The following GPC6 variants were observed in gnomAD, a reference collection of about 807,000 sequenced individuals.
The protein encoded by GPC6 is glypican-6.
In GPC6, 14 loss-of-function variants were observed where a neutral mutation model predicts 55.2. That is an observed-to-expected ratio of 0.25 (90% CI 0.17 to 0.40). The LOEUF (loss-of-function observed/expected upper bound fraction) is 0.40, where lower values mean the gene tolerates loss of function less well. Among genes scored for constraint, GPC6 ranks in the 10% least tolerant of loss-of-function variants. The probability of loss-of-function intolerance (pLI) is 1.00; values close to 1 mark genes in which losing one functional copy is unlikely to be tolerated. For synonymous variants in GPC6, 278 were observed against 259.6 expected (o/e 1.07, Z -0.68); for missense variants, 641 against 708.5 (o/e 0.90, Z 1.08).
intron 5 of GPC6, among the ~76,000 whole-genome samples, chr13:94,298,499 C>T (rs1303334100): frequency 6.6e-6 from 1 of 152,106 alleles, no homozygotes; most frequent in Non-Finnish European, 1.5e-5. Flanking sequence ...AAGTTGTCTG[C>T]CACTTTGCAG....
At chr13:94,058,321 C>T (rs1255728557) in intron 4 of GPC6, among the ~76,000 whole-genome samples, 2 of 152,142 alleles carry the variant, frequency 1.3e-5, no homozygotes, top group Non-Finnish European at 2.9e-5. Flanking sequence ...AGAGACCTAG[C>T]CCAGTGCCAA....
intron 2 of GPC6, among the ~76,000 whole-genome samples, chr13:93,613,530 A>ACACACACAC (rs1566450041): frequency 4.0e-4 from 56 of 139,908 alleles, no homozygotes; most frequent in African/African-American, 1.6e-3. Flanking sequence ...ACACACACAA[A>ACACACACAC]ACACACACAC....
intron 4 of GPC6, among the ~76,000 whole-genome samples, chr13:94,030,754 A>G (rs1293672082): frequency 6.6e-6 from 1 of 152,080 alleles, no homozygotes; most frequent in Non-Finnish European, 1.5e-5. Context: ...CATCTTATAG[A>G]TGTTTTTCTT....
chr13:93,416,424 G>A (rs1175219056), intron 1 of GPC6, among the ~76,000 whole-genome samples: 8 of 152,000 alleles, frequency 5.3e-5, no homozygotes, highest in East Asian at 1.9e-4. Context: ...TGAATACACA[G>A]TAGGTATATA....
At chr13:94,347,877 G>A (rs55740931) in intron 6 of GPC6, among the ~76,000 whole-genome samples, 11,010 of 152,250 alleles carry the variant, frequency 0.072, 519 homozygotes, top group South Asian at 0.13. Flanking sequence ...GAAGAGGCCC[G>A]TTAAATGGTT....
At chr13:93,436,134 C>A (rs1594167977) in intron 1 of GPC6, among the ~76,000 whole-genome samples, 1 of 152,090 alleles carries the variant, frequency 6.6e-6, no homozygotes, top group East Asian at 1.9e-4. Flanking sequence ...CTGACTATTG[C>A]AATTTTATAT....
intron 1 of GPC6, among the ~76,000 whole-genome samples, chr13:93,408,719 T>G (rs1876386830): frequency 6.6e-6 from 1 of 152,094 alleles, no homozygotes; most frequent in African/African-American, 2.4e-5. Flanking sequence ...TCTGAAAAAC[T>G]GGCTCTGGCA....
chr13:94,027,141 C>T (rs770050758), intron 3 of GPC6, among the ~76,000 whole-genome samples: 1 of 152,120 alleles, frequency 6.6e-6, no homozygotes, highest in Non-Finnish European at 1.5e-5. Context: ...TGAATTACTG[C>T]AAGGATTGCT....
rs201523895 is a variant in GPC6, at chr13:93,596,616, T to A, written c.319+51195T>A. Among the ~76,000 whole-genome samples the A allele has an allele frequency of 6.0e-4, 73 of 120,922 alleles. 1 individual carries two copies. Among genetic ancestry groups the A allele is most frequent in the Admixed American group, 2.8e-3 (36 of 12,840 alleles). 79.3% of individuals were successfully genotyped at this position (120,922 alleles called of 152,430 possible). A position where few individuals can be genotyped will look rare whatever the true frequency, so the allele number is the denominator to read the frequency against. On this transcript the variant is annotated intron_variant, in intron 2 of 8. Transcript: ENST00000377047. ...ATAAATAAATAAATAAATAAATATATATATATATATATATATATAATGTAT... is the reference window on the plus strand; with the variant it reads ...ATAAATAAATAAATAAATAAATATAAATATATATATATATATATAATGTAT...
At chr13:94,362,999 C>T (rs1458630679) in intron 6 of GPC6, among the ~76,000 whole-genome samples, 1 of 152,052 alleles carries the variant, frequency 6.6e-6, no homozygotes, top group African/African-American at 2.4e-5. Context: ...CGTTTTAAGC[C>T]CCACATGCAT....
At chr13:93,605,156 T>C (rs1033424224) in intron 2 of GPC6, among the ~76,000 whole-genome samples, 1 of 152,190 alleles carries the variant, frequency 6.6e-6, no homozygotes, top group Non-Finnish European at 1.5e-5. Flanking sequence ...ATCCAGTTGG[T>C]TTCTGCACAG....
rs948993321 is a variant in GPC6, at chr13:94,203,260, TA to T, written c.878-83080del. Among the ~76,000 whole-genome samples, 29 of 150,210 alleles carry T rather than the reference TA, an allele frequency of 1.9e-4. No homozygotes were observed. In the East Asian group the frequency reaches 3.5e-3, roughly 18 times the overall value. On this transcript the variant is annotated intron_variant, in intron 4 of 8. Coordinates refer to ENST00000377047, the MANE Select transcript of GPC6 (RefSeq NM_005708.5). ...GAACTAGAATTTGTATTGTTACCTT[TA>T]AAAAAAAATACTGACCCAGGTTTTA...
At chr13:94,309,482 TA>T (rs908963195) in intron 6 of GPC6, among the ~76,000 whole-genome samples, 3 of 152,168 alleles carry the variant, frequency 2.0e-5, no homozygotes, top group Non-Finnish European at 4.4e-5. Flanking sequence ...AACTCTCTCT[TA>T]AAAAATACAC....
intron 4 of GPC6, among the ~76,000 whole-genome samples, chr13:94,052,287 A>C (rs1010792950): frequency 6.6e-6 from 1 of 152,232 alleles, no homozygotes; most frequent in African/African-American, 2.4e-5. Context: ...CATTATAAGC[A>C]GAGAGGACAG....
At chr13:93,528,607 A>G (rs550862495) in intron 1 of GPC6, among the ~76,000 whole-genome samples, 1 of 152,342 alleles carries the variant, frequency 6.6e-6, no homozygotes, top group East Asian at 1.9e-4. Context: ...AGGCTCTAGG[A>G]CTAAAAACAT....
At chr13:94,016,273 A>C (rs1364837618) in intron 3 of GPC6, among the ~76,000 whole-genome samples, 1 of 152,152 alleles carries the variant, frequency 6.6e-6, no homozygotes, top group African/African-American at 2.4e-5. Flanking sequence ...ATTTTTTCTC[A>C]TTCATTCATT....
At chr13:93,273,210 T>A (rs1877600564) in intron 1 of GPC6, among the ~76,000 whole-genome samples, 1 of 150,880 alleles carries the variant, frequency 6.6e-6, no homozygotes, top group Admixed American at 6.6e-5. Context: ...AAAGATAGTC[T>A]GAATCTTATC....
chr13:93,997,581 ATGTGTGTGTG>A (rs146601294), intron 3 of GPC6, among the ~76,000 whole-genome samples: 2 of 148,926 alleles, frequency 1.3e-5, no homozygotes, highest in East Asian at 2.0e-4. Flanking sequence ...AAGACATAAT[ATGTGTGTGTG>A]TGTGTGTGTG....
chr13:93,873,266 A>T (rs1889186308), intron 3 of GPC6, among the ~76,000 whole-genome samples: 1 of 152,012 alleles, frequency 6.6e-6, no homozygotes, highest in East Asian at 1.9e-4. Context: ...AATTTACAAA[A>T]TACTGACAGT....
Sources: allele counts gnomAD v4.1 joint callset (sites outside exome capture counted in the v4.1 genomes callset), GRCh38; gene constraint gnomAD v4.1.1; transcripts MANE v1.5; gene names NCBI Gene and HGNC (gene_info 2026-07-23, HGNC 2026-07-21).